Variants in DOCK1 observed in about 807,000 individuals in gnomAD.
DOCK1 encodes dedicator of cytokinesis 1, also known as dedicator of cytokinesis protein 1.
DOCK1 carries 138 observed loss-of-function variants against 262.7 expected under a neutral mutation model. The observed-to-expected ratio is 0.53, with a 90% CI of 0.46 to 0.61. DOCK1 has a LOEUF of 0.61. DOCK1 is among the 20% of genes least tolerant of loss of function. The pLI is 0.00. For synonymous variants in DOCK1, 866 were observed against 867.4 expected (o/e 1.00, Z 0.03); for missense variants, 1,908 against 2,370.7 (o/e 0.80, Z 4.05).
chr10:127,209,522 T>C (rs2057876472), intron 27 of DOCK1, among the ~76,000 whole-genome samples: 1 of 152,196 alleles, frequency 6.6e-6, no homozygotes, highest in Non-Finnish European at 1.5e-5. Context: ...CATCTCATCC[T>C]TACTGTCAGA....
chr10:126,993,878 A>G (rs1393555649), intron 6 of DOCK1, among the ~76,000 whole-genome samples: 1 of 152,246 alleles, frequency 6.6e-6, no homozygotes, highest in Non-Finnish European at 1.5e-5. Flanking sequence ...GCAGACTCGT[A>G]TCTGGCTTTA....
chr10:127,285,465 A>C (rs548773075), intron 29 of DOCK1, among the ~76,000 whole-genome samples: 1 of 152,360 alleles, frequency 6.6e-6, no homozygotes, highest in Non-Finnish European at 1.5e-5. Context: ...TGTTTCATGT[A>C]GAACTTTCTG....
chr10:127,088,075 C>T (rs903914798), intron 23 of DOCK1, among the ~76,000 whole-genome samples: 11 of 152,178 alleles, frequency 7.2e-5, no homozygotes, highest in Non-Finnish European at 1.2e-4. Flanking sequence ...CAGGTTTTCT[C>T]TTCTGATGGT....
At chr10:127,324,858 C>T (rs143876172) in intron 29 of DOCK1, among the ~76,000 whole-genome samples, 16 of 152,288 alleles carry the variant, frequency 1.1e-4, no homozygotes, top group Non-Finnish European at 1.9e-4. Flanking sequence ...AATGATTCAT[C>T]AGAAGCAAAT....
At chr10:126,963,626 T>TCCCC (rs2037418394) in intron 1 of DOCK1, among the ~76,000 whole-genome samples, 19 of 55,040 alleles carry the variant, frequency 3.5e-4, no homozygotes, top group African/African-American at 1.5e-3. Context: ...TTCCCTTCCC[T>TCCCC]TCCCTTCCCT....
At chr10:127,361,307 T>A (rs57088578) in intron 32 of DOCK1, among the ~76,000 whole-genome samples, 8 of 151,870 alleles carry the variant, frequency 5.3e-5, no homozygotes, top group Non-Finnish European at 8.8e-5. Context: ...GTAGAGACGG[T>A]GTCTCACCGT....
chr10:127,343,488 G>A (rs1382334864), intron 30 of DOCK1, among the ~76,000 whole-genome samples, 158 bp from the exon 31 acceptor site: 6 of 152,094 alleles, frequency 3.9e-5, no homozygotes, highest in Non-Finnish European at 7.4e-5. Context: ...GAATTACACC[G>A]TGGGTGGCTG....
intron 28 of DOCK1, 59 bp downstream of exon 28, chr10:127,248,168 A>G: frequency 7.3e-7 from 1 of 1,376,418 alleles, no homozygotes; most frequent in Admixed American, 1.9e-5. Flanking sequence ...ACTTTAGACA[A>G]AAGCCTGATA....
chr10:127,184,344 G>A (rs180820401), intron 27 of DOCK1, among the ~76,000 whole-genome samples: 10 of 124,058 alleles, frequency 8.1e-5, no homozygotes, highest in East Asian at 2.3e-4. Flanking sequence ...CAAATCAGTC[G>A]TCACCATGCC....
intron 32 of DOCK1, among the ~76,000 whole-genome samples, 153 bp from the exon 33 acceptor site, chr10:127,361,911 A>G (rs1358678451): frequency 6.6e-6 from 1 of 152,206 alleles, no homozygotes; most frequent in Non-Finnish European, 1.5e-5. Flanking sequence ...GGAAAGTTCA[A>G]AATCATCATC....
chr10:127,031,303 C>T (rs2043222886), intron 16 of DOCK1, among the ~76,000 whole-genome samples: 1 of 152,176 alleles, frequency 6.6e-6, no homozygotes, highest in Non-Finnish European at 1.5e-5. Context: ...CTCTCGCTTT[C>T]TAGTGTTGCG....
intron 27 of DOCK1, among the ~76,000 whole-genome samples, chr10:127,173,665 G>T (rs1010838513): frequency 2.0e-5 from 3 of 152,154 alleles, no homozygotes; most frequent in Admixed American, 2.0e-4. Flanking sequence ...ATCAACATCA[G>T]TGACTGGGTC....
chr10:127,253,806 T>A (rs965248999), intron 28 of DOCK1, among the ~76,000 whole-genome samples: 1 of 149,100 alleles, frequency 6.7e-6, no homozygotes, highest in African/African-American at 2.5e-5. Flanking sequence ...GCCTAGGAGT[T>A]TGAGGCTGCG....
chr10:127,135,680 G>C (rs1009616753), intron 27 of DOCK1: 3 of 152,518 alleles, frequency 2.0e-5, no homozygotes, highest in South Asian at 2.1e-4. Flanking sequence ...TAATTTTTAG[G>C]GATGAATTAA....
intron 29 of DOCK1, among the ~76,000 whole-genome samples, chr10:127,326,551 C>T (rs2062756251): frequency 6.6e-6 from 1 of 152,158 alleles, no homozygotes; most frequent in Non-Finnish European, 1.5e-5. Context: ...CTGCTATTTC[C>T]ACTACATCTG....
intron 27 of DOCK1, among the ~76,000 whole-genome samples, chr10:127,154,241 T>G (rs2052803729): frequency 6.6e-6 from 1 of 152,248 alleles, no homozygotes; most frequent in Non-Finnish European, 1.5e-5. Context: ...TAAAGAAACT[T>G]TGAGGAAAAA....
chr10:127,171,853 G>T (rs930002770), intron 27 of DOCK1, among the ~76,000 whole-genome samples: 2 of 151,988 alleles, frequency 1.3e-5, no homozygotes, highest in Admixed American at 6.6e-5. Context: ...ACAGGTGCCC[G>T]CCACCACGCC....
intron 27 of DOCK1, among the ~76,000 whole-genome samples, chr10:127,132,969 G>GA (rs1429674774): frequency 6.6e-6 from 1 of 152,142 alleles, no homozygotes; most frequent in African/African-American, 2.4e-5. Context: ...ATTTTGCCTG[G>GA]ATTCTCCACT....
At chr10:126,916,743 C>T (rs2032542868) in intron 1 of DOCK1, among the ~76,000 whole-genome samples, 2 of 150,436 alleles carry the variant, frequency 1.3e-5, no homozygotes, top group South Asian at 2.1e-4. Context: ...TCCCTTCTTT[C>T]TTCCTTCCTT....
Sources: allele counts gnomAD v4.1 joint callset (sites outside exome capture counted in the v4.1 genomes callset), GRCh38; gene constraint gnomAD v4.1.1; transcripts MANE v1.5; gene names NCBI Gene and HGNC (gene_info 2026-07-23, HGNC 2026-07-21).